PTPN11: variants seen among roughly 807,000 people sequenced by gnomAD.
PTPN11 encodes protein tyrosine phosphatase non-receptor type 11, also known as tyrosine-protein phosphatase non-receptor type 11.
In PTPN11, 6 loss-of-function variants were observed where a neutral mutation model predicts 78.8. That is an observed-to-expected ratio of 0.08 (90% CI 0.04 to 0.15). The LOEUF is 0.15. Among genes scored for constraint, PTPN11 ranks in the 10% least tolerant of loss-of-function variants. PTPN11 has a pLI of 1.00. For synonymous variants in PTPN11, 221 were observed against 263.5 expected (o/e 0.84, Z 1.56); for missense variants, 386 against 744.8 (o/e 0.52, Z 5.61).
At chr12:112,446,127 G>C (rs1342443007) in intron 1 of PTPN11, 149 bp from the exon 2 acceptor site, 2 of 963,740 alleles carry the variant, frequency 2.1e-6, no homozygotes, top group Admixed American at 2.1e-5. Flanking sequence ...ATTGACCAAG[G>C]AGAAGAGGGG....
chr12:112,465,323 A>G (rs1052117542), intron 6 of PTPN11, among the ~76,000 whole-genome samples: 1 of 151,884 alleles, frequency 6.6e-6, no homozygotes, highest in Non-Finnish European at 1.5e-5. Flanking sequence ...AATACCAGCT[A>G]CTAGGGAGGC....
chr12:112,476,636 G>T (rs2038508403), intron 7 of PTPN11, among the ~76,000 whole-genome samples: 2 of 152,122 alleles, frequency 1.3e-5, no homozygotes, highest in Non-Finnish European at 2.9e-5. Flanking sequence ...AGATGTGGTG[G>T]CACGCTCCTG....
chr12:112,490,726 T>C (rs1462090816), intron 13 of PTPN11, among the ~76,000 whole-genome samples: 3 of 152,166 alleles, frequency 2.0e-5, no homozygotes, highest in Non-Finnish European at 2.9e-5. Context: ...GGATTACAAG[T>C]GTGAGCCACT....
intron 13 of PTPN11, among the ~76,000 whole-genome samples, chr12:112,496,813 C>T (rs1193766841): frequency 6.6e-6 from 1 of 152,148 alleles, no homozygotes. Context: ...CAGGTAGCGT[C>T]TCTACACTTC....
intron 13 of PTPN11, among the ~76,000 whole-genome samples, chr12:112,493,128 G>T (rs999659068): frequency 6.6e-6 from 1 of 150,660 alleles, no homozygotes; most frequent in South Asian, 2.1e-4. Flanking sequence ...CCACAATCTC[G>T]GCTCATTACA....
intron 1 of PTPN11, among the ~76,000 whole-genome samples, chr12:112,432,874 T>C (rs2037734741): frequency 6.6e-6 from 1 of 152,004 alleles, no homozygotes; most frequent in Non-Finnish European, 1.5e-5. Flanking sequence ...ACTTTTTTTT[T>C]TTTTGAGATG....
At chr12:112,445,170 C>T (rs1407362490) in intron 1 of PTPN11, among the ~76,000 whole-genome samples, 2 of 152,024 alleles carry the variant, frequency 1.3e-5, no homozygotes, top group African/African-American at 4.8e-5. Flanking sequence ...CTTGCTCTGT[C>T]GCCCAGGCTG....
intron 6 of PTPN11, among the ~76,000 whole-genome samples, chr12:112,466,426 C>T (rs1449683635): frequency 2.6e-5 from 4 of 152,182 alleles, no homozygotes; most frequent in Admixed American, 6.5e-5. Flanking sequence ...AGGCCAGGTG[C>T]AGTGGCTCAT....
intron 1 of PTPN11, among the ~76,000 whole-genome samples, chr12:112,437,206 A>G (rs925617119): frequency 7.9e-5 from 12 of 152,040 alleles, no homozygotes; most frequent in African/African-American, 2.9e-4. Flanking sequence ...GCTGGAGTGC[A>G]GTGGAATGAT....
chr12:112,447,539 G>A (rs2038012293), intron 2 of PTPN11, among the ~76,000 whole-genome samples: 1 of 149,106 alleles, frequency 6.7e-6, no homozygotes, highest in East Asian at 2.0e-4. Flanking sequence ...CAGTCTTATT[G>A]CCCAGGCTGA....
intron 7 of PTPN11, among the ~76,000 whole-genome samples, chr12:112,476,239 A>T (rs564527229): frequency 3.4e-4 from 51 of 152,178 alleles, no homozygotes; most frequent in Non-Finnish European, 4.7e-4. Context: ...TTCCTCCCTT[A>T]AAGGTCTCAT....
In PTPN11 at chr12:112,459,086, G is replaced by A. The variant is rs547833707; in HGVS notation, c.756+3023G>A. On this transcript the variant is annotated intron_variant, in intron 6 of 15. Coordinates refer to ENST00000351677, the MANE Select transcript of PTPN11 (RefSeq NM_002834.5). ...AGTGAGACAGAATTTTGAAATCTCA[G>A]CCTCACTGTTGCCTTCCTTGTCCCC... Among the ~76,000 whole-genome samples the A allele has an allele frequency of 6.6e-5, 10 of 152,150 alleles. No homozygotes were observed. In the South Asian group the frequency reaches 1.9e-3, roughly 28 times the overall value.
At chr12:112,426,262 T>A (rs1212925377) in intron 1 of PTPN11, among the ~76,000 whole-genome samples, 2 of 152,186 alleles carry the variant, frequency 1.3e-5, no homozygotes, top group Non-Finnish European at 1.5e-5. Flanking sequence ...GTAAACTCTT[T>A]TTTTTTTCTT....
intron 1 of PTPN11, among the ~76,000 whole-genome samples, chr12:112,441,121 T>A (rs1385929400): frequency 6.6e-6 from 1 of 151,512 alleles, no homozygotes; most frequent in Admixed American, 6.6e-5. Context: ...TGCGCCACCA[T>A]GCCCGGCTGA....
At chr12:112,501,135 G>T (rs1021078406) in intron 13 of PTPN11, among the ~76,000 whole-genome samples, 10 of 152,256 alleles carry the variant, frequency 6.6e-5, no homozygotes, top group African/African-American at 2.4e-4. Flanking sequence ...ATTAGATAAT[G>T]ATGCTCATCT....
intron 1 of PTPN11, among the ~76,000 whole-genome samples, chr12:112,445,173 C>T (rs1284447889): frequency 6.6e-6 from 1 of 151,998 alleles, no homozygotes; most frequent in Admixed American, 6.6e-5. Flanking sequence ...GCTCTGTCGC[C>T]CAGGCTGGAG....
intron 9 of PTPN11, among the ~76,000 whole-genome samples, 155 bp from the exon 10 acceptor site, chr12:112,481,919 T>G (rs1339237586): frequency 6.6e-6 from 1 of 152,250 alleles, no homozygotes; most frequent in African/African-American, 2.4e-5. Context: ...TTATTTGAAC[T>G]CTTCTGTCCT....
rs775571445 is a variant in PTPN11 at position 112,482,172 on chromosome 12, G to T, written c.1191G>T (p.Thr397=). The part of the protein sequence containing the change: ...NVKESAAHDY[T]LRELKLSKVG... The stretch of plus-strand genomic sequence containing the variant: ...AAGAAAGCGCCGCTCATGACTATAC[G>T]CTAAGAGAACTTAAACTTTCAAAGG... Residue 397 remains threonine (T), a synonymous_variant, in exon 10 of 16, where the codon ACG becomes ACT. Transcript: ENST00000351677. This position sits in a 1 kb window ranked among gnomAD's most constrained non-coding sequence, Gnocchi z 4.4. 2 of 1,613,740 alleles carry T rather than the reference G, an allele frequency of 1.2e-6. No homozygotes were observed. Among genetic ancestry groups the T allele is most frequent in the Non-Finnish European group, 1.7e-6 (2 of 1,179,714 alleles).
At chr12:112,502,092 A>G in intron 13 of PTPN11, 52 bp from the exon 14 acceptor site, 1 of 1,417,738 alleles carries the variant, frequency 7.1e-7, no homozygotes, top group Non-Finnish European at 9.9e-7. Context: ...TTTGCTTTTT[A>G]TCCCCTTAAA....
Sources: gnomAD v4.1 joint callset for allele counts (sites outside exome capture counted in the v4.1 genomes callset) on GRCh38, gnomAD v4.1.1 for gene constraint, Gnocchi (gnomAD v3.1) non-coding constraint, MANE v1.5 for transcripts, NCBI Gene and HGNC (gene_info 2026-07-23, HGNC 2026-07-21) for gene names.